Variants in CLEC7A observed in about 807,000 individuals in gnomAD.
CLEC7A encodes the protein C-type lectin domain family 7 member A.
In CLEC7A, 25 loss-of-function variants were observed where a neutral mutation model predicts 26.9. The observed-to-expected ratio is 0.93, with a 90% CI of 0.68 to 1.30. The LOEUF (loss-of-function observed/expected upper bound fraction) is 1.30, where lower values mean the gene tolerates loss of function less well. CLEC7A is among the 50% of genes most tolerant of loss of function. The probability of loss-of-function intolerance (pLI) is 0.00; values close to 1 mark genes in which losing one functional copy is unlikely to be tolerated. For synonymous variants in CLEC7A, 100 were observed against 99.5 expected, an observed-to-expected ratio of 1.01 and a Z score of -0.03; for missense variants, 275 against 286.7, an observed-to-expected ratio of 0.96 and a Z score of 0.29.
At chr12:10,122,370 T>C (rs879593774) in intron 5 of CLEC7A, among the ~76,000 whole-genome samples, 5 of 152,230 alleles carry the variant, frequency 3.3e-5, no homozygotes, top group African/African-American at 7.2e-5. Flanking sequence ...ATGTGGTTGC[T>C]TTTTAACTTA....
chr12:10,127,551 A>G (rs1386645130), intron 2 of CLEC7A, 196 bp downstream of exon 2: 9 of 1,154,788 alleles, frequency 7.8e-6, no homozygotes, highest in East Asian at 4.7e-5. Context: ...TAACCCTGGA[A>G]AGGTAAAATA....
chr12:10,129,745 G>C (rs924461088), intron 1 of CLEC7A, among the ~76,000 whole-genome samples: 4 of 152,046 alleles, frequency 2.6e-5, no homozygotes, highest in African/African-American at 9.7e-5. Flanking sequence ...AGCCTCCCAA[G>C]TACCTGGAAC....
rs1389627911 is a variant in CLEC7A at position 10,117,769 on chromosome 12, GA to G, written c.*688del. The G allele has an allele frequency of 3.9e-5, 6 of 152,164 alleles. No individual in the cohort carries two copies. The highest frequency in any genetic ancestry group is 8.8e-5 in the Non-Finnish European group (6 of 68,066). The allele number at this position is 152,164 out of a possible 1,614,324, so 9.4% of individuals were successfully genotyped here. Reference sequence around the variant, plus strand: ...TCAGTTCATAACTGATATACTGCTAGAAGTTGAGGGTCAAATCGTGGCAACA... The same window carrying G: ...TCAGTTCATAACTGATATACTGCTAGAGTTGAGGGTCAAATCGTGGCAACA... On this transcript the variant is annotated 3_prime_UTR_variant, in exon 6 of 6. Coordinates refer to ENST00000304084, the MANE Select transcript of CLEC7A (RefSeq NM_197947.3).
chr12:10,127,418 T>C (rs760018939), intron 2 of CLEC7A: 2 of 1,613,986 alleles, frequency 1.2e-6, no homozygotes, highest in Non-Finnish European at 1.7e-6. Flanking sequence ...AATTTATCCT[T>C]TGAATTCCAC....
chr12:10,126,715 A>C lies in CLEC7A; in HGVS notation c.203-7T>G, dbSNP rs1948298088. ...GAATTGGATCTCCAAATAGCTTCAC[A>C]TACCAACAATAATAATAGTGACAGA... On this transcript the variant is annotated splice_region_variant and splice_polypyrimidine_tract_variant and intron_variant, in intron 2 of 5. Coordinates refer to ENST00000304084, the MANE Select transcript of CLEC7A (RefSeq NM_197947.3). 1 of 1,602,592 alleles carries C rather than the reference A, an allele frequency of 6.2e-7. No homozygotes were observed.
chr12:10,127,693 AT>A, intron 2 of CLEC7A, 53 bp downstream of exon 2: 1 of 1,241,728 alleles, frequency 8.1e-7, no homozygotes, highest in Non-Finnish European at 1.2e-6. Flanking sequence ...TGCCTGGCAC[AT>A]AATAATTGCT....
intron 2 of CLEC7A, 33 bp downstream of exon 2, chr12:10,127,714 G>T: frequency 7.2e-7 from 1 of 1,387,658 alleles, no homozygotes; most frequent in Non-Finnish European, 1.0e-6. Context: ...TTACTAAATT[G>T]TCTGTTGTTA....
In CLEC7A at chr12:10,125,296, C is replaced by G. The variant is rs1299878934; in HGVS notation, c.492+1G>C. 1.2e-6 allele frequency: 2 copies of G among 1,612,742 alleles called. No homozygotes were observed. Among genetic ancestry groups the G allele is most frequent in the East Asian group, 2.2e-5 (1 of 44,850 alleles). On this transcript the variant is annotated splice_donor_variant, in intron 4 of 5. Transcript: ENST00000304084. LOFTEE classifies it high-confidence loss of function. ...TAATCATAACAGAAGTCTACACTTA[C>G]CAATTCATTTGAGCTGTCTATCTTT...
At chr12:10,123,168 C>T (rs1591949266) in intron 5 of CLEC7A, 77 bp downstream of exon 5, 3 of 894,880 alleles carry the variant, frequency 3.4e-6, no homozygotes, top group East Asian at 5.1e-5. Context: ...TTCTTAGCTG[C>T]TCGACAGAGG....
At position 10,122,198 on chromosome 12, in the gene CLEC7A, CTAATAA is replaced by C. The variant is rs796878678; in HGVS notation, c.611+1041_611+1046del. On this transcript the variant is annotated intron_variant, in intron 5 of 5. Transcript: ENST00000304084. ...ACACACACAGGTGTGCACACACACA[CTAATAA>C]TAAGAACTTAAAAGAGACATATTTC... is the stretch of plus-strand genomic sequence containing the variant. Among the ~76,000 whole-genome samples the C allele has an allele frequency of 3.3e-5, 5 of 151,854 alleles. No individual in the cohort carries two copies. In the East Asian group the frequency reaches 5.8e-4, roughly 18 times the overall value.
At chr12:10,122,216 A>G (rs1948110203) in intron 5 of CLEC7A, among the ~76,000 whole-genome samples, 1 of 152,182 alleles carries the variant, frequency 6.6e-6, no homozygotes, top group Non-Finnish European at 1.5e-5. Context: ...AAGAACTTAA[A>G]AGAGACATAT....
intron 1 of CLEC7A, among the ~76,000 whole-genome samples, chr12:10,128,619 G>C (rs948642934): frequency 6.6e-6 from 1 of 151,980 alleles, no homozygotes; most frequent in African/African-American, 2.4e-5. Context: ...GTGAAACTGG[G>C]GTAATAATAT....
intron 2 of CLEC7A, 103 bp from the exon 3 acceptor site, chr12:10,126,811 A>G: frequency 1.1e-6 from 1 of 887,850 alleles, no homozygotes; most frequent in South Asian, 1.8e-5. Flanking sequence ...AAAAGAATAC[A>G]TTATTGATTA....
rs893962568 is a variant in CLEC7A, at chr12:10,125,438, G to A, written c.351C>T (p.Ser117=). ...TKAVKTTGVL[S]SPCPPNWIIY... ...TAATCCAATTAGGAGGACAAGGGCT[G>A]GAAAGAACCCCTGGAAATAAAAGAT... The change falls in exon 4 of 6, where the codon TCC becomes TCT. Residue 117 remains serine (S), a synonymous_variant. Transcript: ENST00000304084. 7 of 1,610,720 alleles carry A rather than the reference G, an allele frequency of 4.3e-6. No homozygotes were observed. In the African/African-American group the frequency reaches 9.4e-5, roughly 22 times the overall value.
intron 4 of CLEC7A, 117 bp downstream of exon 4, chr12:10,125,180 C>CA (rs10717980): frequency 0.042 from 25,070 of 597,300 alleles, 44 homozygotes; most frequent in African/African-American, 0.051. Flanking sequence ...GACTCTGCCT[C>CA]AAAAAAAAAA....
At chr12:10,120,736 A>ACTTTTTTT (rs201991021) in intron 5 of CLEC7A, among the ~76,000 whole-genome samples, 7 of 140,796 alleles carry the variant, frequency 5.0e-5, no homozygotes, top group African/African-American at 1.8e-4. Context: ...CCCAAGGGCT[A>ACTTTTTTT]GTTTTTTCTT....
At position 10,118,454 on chromosome 12, in the gene CLEC7A, C is replaced by T. The variant is rs1472516924; in HGVS notation, c.*4G>A. The T allele has an allele frequency of 6.2e-7, 1 of 1,606,850 alleles. No individual in the cohort carries two copies. The highest frequency in any genetic ancestry group is 8.5e-7 in the Non-Finnish European group (1 of 1,173,894). ...TATTTCTCTCTCCTTCTCCACCCTT[C>T]CTCTTACATTGAAAACTTCTTCTCA... On this transcript the variant is annotated 3_prime_UTR_variant, in exon 6 of 6. Coordinates refer to ENST00000304084, the MANE Select transcript of CLEC7A (RefSeq NM_197947.3).
intron 5 of CLEC7A, among the ~76,000 whole-genome samples, chr12:10,122,093 AAGAC>A (rs1414308605): frequency 1.2e-4 from 18 of 152,330 alleles, no homozygotes; most frequent in Middle Eastern, 6.8e-3. Flanking sequence ...AAATAATAAA[AAGAC>A]AGAGTCAACA....
rs1948154559 is a variant in CLEC7A, at chr12:10,123,265, T to C, written c.591A>G (p.Gly197=). 1.2e-6 allele frequency: 2 copies of C among 1,605,470 alleles called. No individual in the cohort carries two copies. The highest frequency in any genetic ancestry group is 1.7e-6 in the Non-Finnish European group (2 of 1,172,076). ...QTEVPWLWED[G]STFSSNLFQI... ...CTTACAAGTTAGAAGAGAATGTTGA[T>C]CCATCCTCCCAGAGCCATGGTACCT... Residue 197 remains glycine, a synonymous_variant, in exon 5 of 6, where the codon GGA becomes GGG. Transcript: ENST00000304084.
Sources: gnomAD v4.1 joint callset for allele counts (sites outside exome capture counted in the v4.1 genomes callset) on GRCh38, gnomAD v4.1.1 for gene constraint, MANE v1.5 for transcripts, NCBI Gene and HGNC (gene_info 2026-07-23, HGNC 2026-07-21) for gene names.